FOXN2: variants seen among roughly 807,000 people sequenced by gnomAD.
The protein encoded by FOXN2 is forkhead box protein N2.
In FOXN2, 19 loss-of-function variants were observed where a neutral mutation model predicts 41.2. The observed-to-expected ratio is 0.46, with a 90% CI of 0.32 to 0.68. FOXN2 has a LOEUF of 0.68. Among genes scored for constraint, FOXN2 ranks in the 30% least tolerant of loss-of-function variants. The pLI, the probability that FOXN2 is intolerant of heterozygous loss-of-function variation, is 0.03. For synonymous variants in FOXN2, 195 were observed against 176.8 expected (o/e 1.10, Z -0.82); for missense variants, 587 against 509.4 (o/e 1.15, Z -1.47).
chr2:48,348,273 G>A (rs1671241107), intron 3 of FOXN2, among the ~76,000 whole-genome samples: 1 of 151,678 alleles, frequency 6.6e-6, no homozygotes, highest in Non-Finnish European at 1.5e-5. Context: ...AATTTTTATT[G>A]ATTTTTCTAT....
chr2:48,371,417 T>C (rs756883053), intron 5 of FOXN2, among the ~76,000 whole-genome samples: 127 of 152,154 alleles, frequency 8.3e-4, no homozygotes, highest in Non-Finnish European at 1.4e-3. Flanking sequence ...TAGTTGGCTG[T>C]AAATATGTCA....
At chr2:48,330,720 T>A (rs184179396) in intron 2 of FOXN2, among the ~76,000 whole-genome samples, 1 of 152,048 alleles carries the variant, frequency 6.6e-6, no homozygotes, top group Admixed American at 6.6e-5. Context: ...TTTCCAAATA[T>A]CTTAAGACCA....
chr2:48,357,975 T>C (rs969381280), intron 3 of FOXN2, among the ~76,000 whole-genome samples: 2 of 152,188 alleles, frequency 1.3e-5, no homozygotes, highest in African/African-American at 2.4e-5. Flanking sequence ...TGCATTTCTT[T>C]CTTTATGATA....
chr2:48,337,349 G>A (rs1157914449), intron 2 of FOXN2, among the ~76,000 whole-genome samples: 2 of 149,260 alleles, frequency 1.3e-5, no homozygotes, highest in Non-Finnish European at 3.0e-5. Flanking sequence ...TTAGGCTGGT[G>A]TGTAGTGGTG....
chr2:48,315,359 C>T (rs1165007175), intron 1 of FOXN2, among the ~76,000 whole-genome samples: 1 of 152,062 alleles, frequency 6.6e-6, no homozygotes, highest in Non-Finnish European at 1.5e-5. Flanking sequence ...GGGGAGGTGC[C>T]GGGGGCGGCC....
chr2:48,326,812 A>G lies in FOXN2; in HGVS notation c.-156-1749A>G, dbSNP rs573028991. Among the ~76,000 whole-genome samples the G allele has an allele frequency of 2.6e-5, 4 of 152,330 alleles. No homozygotes were observed. The South Asian group carries it at 8.3e-4, about 32-fold the overall frequency. Reference sequence around the variant, plus strand: ...TATTTGTATAAGATATATATGAAACATAAATGAATATTATGTTTAGACTTG... The same window carrying G: ...TATTTGTATAAGATATATATGAAACGTAAATGAATATTATGTTTAGACTTG... On this transcript the variant is annotated intron_variant, in intron 1 of 6. Transcript: ENST00000340553.
At chr2:48,327,293 C>G (rs1031466182) in intron 1 of FOXN2, among the ~76,000 whole-genome samples, 5 of 152,160 alleles carry the variant, frequency 3.3e-5, no homozygotes, top group Admixed American at 6.5e-5. Flanking sequence ...CATCCACTCA[C>G]TTGCTAACCA....
At chr2:48,342,964 C>A (rs1413653361) in intron 2 of FOXN2, among the ~76,000 whole-genome samples, 1 of 152,112 alleles carries the variant, frequency 6.6e-6, no homozygotes, top group Non-Finnish European at 1.5e-5. Context: ...ACTTGTAATT[C>A]AGAGGAATAA....
chr2:48,354,568 C>CCAG (rs1448569500), intron 3 of FOXN2, among the ~76,000 whole-genome samples: 3 of 152,192 alleles, frequency 2.0e-5, no homozygotes. Flanking sequence ...CCACTGCACT[C>CCAG]CAGCCTGGCA....
intron 2 of FOXN2, among the ~76,000 whole-genome samples, chr2:48,341,238 C>G (rs1013823890): frequency 8.5e-5 from 13 of 152,196 alleles, no homozygotes; most frequent in Non-Finnish European, 1.3e-4. Context: ...ATTATTAATG[C>G]TGTGCTAGTG....
At chr2:48,339,819 A>G (rs1242281980) in intron 2 of FOXN2, among the ~76,000 whole-genome samples, 1 of 152,226 alleles carries the variant, frequency 6.6e-6, no homozygotes, top group Non-Finnish European at 1.5e-5. Context: ...ACCAGGTGAT[A>G]TGAACAAAGA....
rs1320888595 is a variant in FOXN2 at position 48,340,108 on chromosome 2, T to A, written c.-14-6093T>A. ...TATAAAGAAAAAACCTTTTGTTAAC[T>A]CGGTCTTTAATCAGTTAAAAGTGTG... is the stretch of plus-strand genomic sequence containing the variant. On this transcript the variant is annotated intron_variant, in intron 2 of 6. Coordinates refer to ENST00000340553, the MANE Select transcript of FOXN2 (RefSeq NM_002158.4). Among the ~76,000 whole-genome samples, 7 of 152,200 alleles carry A rather than the reference T, an allele frequency of 4.6e-5. No individual in the cohort carries two copies. In the South Asian group the frequency reaches 6.2e-4, roughly 14 times the overall value.
chr2:48,359,173 G>T, intron 4 of FOXN2, 26 bp downstream of exon 4: 7 of 1,534,056 alleles, frequency 4.6e-6, no homozygotes, highest in Non-Finnish European at 5.4e-6. Context: ...ATAACTGTCA[G>T]TGGTGATTTA....
chr2:48,346,403 T>C lies in FOXN2; in HGVS notation c.189T>C (p.His63=). ...AACTCACAAACTTGAACTGGCTTCA[T>C]GAAAGCACTAATCTTCTAACAAACT... ...DDELTNLNWL[H]ESTNLLTNFS... Residue 63 remains histidine, a synonymous_variant, in exon 3 of 7, where the codon CAT becomes CAC. Transcript: ENST00000340553. 6.2e-7 allele frequency: 1 copy of C among 1,614,210 alleles called. No individual in the cohort carries two copies. The highest frequency in any genetic ancestry group is 8.5e-7 in the Non-Finnish European group (1 of 1,180,038).
chr2:48,360,431 T>C (rs756001887), intron 4 of FOXN2, among the ~76,000 whole-genome samples: 1 of 152,156 alleles, frequency 6.6e-6, no homozygotes, highest in Non-Finnish European at 1.5e-5. Flanking sequence ...TTTCATATAG[T>C]GGTTAATTTG....
In FOXN2 at chr2:48,323,316, C is replaced by T. The variant is rs183360427; in HGVS notation, c.-156-5245C>T. Among the ~76,000 whole-genome samples the T allele has an allele frequency of 2.2e-3, 340 of 152,224 alleles. 2 individuals carry two copies. The highest frequency in any genetic ancestry group is 4.2e-3 in the Admixed American group (64 of 15,292). ...TTTAGTTTTTGAGGAAACTCGATAC[C>T]GTTTTTCATAATGGCTGTTACTTTA... On this transcript the variant is annotated intron_variant, in intron 1 of 6. Transcript: ENST00000340553.
At chr2:48,363,562 G>C (rs1672339299) in intron 5 of FOXN2, among the ~76,000 whole-genome samples, 1 of 152,166 alleles carries the variant, frequency 6.6e-6, no homozygotes, top group South Asian at 2.1e-4. Context: ...GGCTCACCCA[G>C]AGCAATTCCG....
chr2:48,371,163 C>T (rs558874889), intron 5 of FOXN2, among the ~76,000 whole-genome samples: 8 of 152,228 alleles, frequency 5.3e-5, no homozygotes, highest in Middle Eastern at 6.8e-3. Flanking sequence ...TTTGGGAGGC[C>T]GAGGCAGGCA....
At chr2:48,336,941 T>C (rs1168294596) in intron 2 of FOXN2, among the ~76,000 whole-genome samples, 2 of 152,158 alleles carry the variant, frequency 1.3e-5, no homozygotes, top group Non-Finnish European at 2.9e-5. Context: ...CAAGCATTTA[T>C]CCTTTGAGTT....
Sources: allele counts gnomAD v4.1 joint callset (sites outside exome capture counted in the v4.1 genomes callset), GRCh38; gene constraint gnomAD v4.1.1; transcripts MANE v1.5; gene names NCBI Gene and HGNC (gene_info 2026-07-23, HGNC 2026-07-21).